EMSY: variants seen among roughly 807,000 people sequenced by gnomAD.
EMSY encodes the protein EMSY transcriptional repressor, BRCA2 interacting.
EMSY carries 26 observed loss-of-function variants against 134.6 expected under a neutral mutation model. That is an observed-to-expected ratio of 0.19 (90% confidence interval 0.14 to 0.27). The LOEUF is 0.27. Among genes scored for constraint, EMSY ranks in the 10% least tolerant of loss-of-function variants. The pLI is 1.00. For missense variants in EMSY, 1,305 were observed against 1,611.4 expected (o/e 0.81, Z 3.26); for synonymous variants, 579 against 577.8 (o/e 1.00, Z -0.03).
At chr11:76,459,690 T>G in intron 5 of EMSY, 1 of 439,466 alleles carries the variant, frequency 2.3e-6, no homozygotes, top group Non-Finnish European at 4.1e-6. Flanking sequence ...GTAACTGTGT[T>G]TTTCTCCGTC....
intron 8 of EMSY, among the ~76,000 whole-genome samples, chr11:76,488,541 T>TG (rs1949286908): frequency 6.6e-6 from 1 of 152,100 alleles, no homozygotes; most frequent in Non-Finnish European, 1.5e-5. Context: ...TTTTGTTTTT[T>TG]TTTTTATTTT....
intron 14 of EMSY, among the ~76,000 whole-genome samples, chr11:76,531,650 C>CT: frequency 6.6e-6 from 1 of 152,204 alleles, no homozygotes; most frequent in East Asian, 1.9e-4. Flanking sequence ...ACATGTTTCC[C>CT]TTTCAGATTA....
At chr11:76,470,538 A>G (rs1327424973) in intron 7 of EMSY, among the ~76,000 whole-genome samples, 1 of 152,088 alleles carries the variant, frequency 6.6e-6, no homozygotes, top group Non-Finnish European at 1.5e-5. Flanking sequence ...CTACTTTTCA[A>G]AATAATCTGA....
exon 6 of EMSY, chr11:76,459,944 T>C: frequency 6.2e-7 from 1 of 1,614,204 alleles, no homozygotes; most frequent in Non-Finnish European, 8.5e-7. Flanking sequence ...AGTGGTTTGC[T>C]ATTCCTACAC....
At chr11:76,454,895 T>G in intron 4 of EMSY, 105 bp downstream of exon 5, 1 of 858,066 alleles carries the variant, frequency 1.2e-6, no homozygotes, top group Non-Finnish European at 1.7e-6. Context: ...GAATTAACCA[T>G]GCCCCTTGCT....
chr11:76,510,652 T>C (rs906029393), intron 9 of EMSY, among the ~76,000 whole-genome samples: 13 of 152,190 alleles, frequency 8.5e-5, no homozygotes, highest in African/African-American at 2.7e-4. Flanking sequence ...GGTAGAGCTT[T>C]GTCCACAAAC....
At chr11:76,513,823 T>C (rs1590943497) in intron 10 of EMSY, among the ~76,000 whole-genome samples, 1 of 152,168 alleles carries the variant, frequency 6.6e-6, no homozygotes, top group East Asian at 1.9e-4. Flanking sequence ...GACCATAAGC[T>C]CTGTGAGCGT....
At position 76,459,875 on chromosome 11, in the gene EMSY, T is replaced by G. The variant is rs1409528724; in HGVS notation, c.422-61T>G. The G allele has an allele frequency of 3.2e-6, 5 of 1,579,810 alleles. No homozygotes were observed. The South Asian group carries it at 4.5e-5, about 14-fold the overall frequency. On this transcript the variant is annotated intron_variant, in intron 5 of 20. Transcript: ENST00000334736. ...TGGCCTGCAATAAAAATAATTTTTT[T>G]GTATGCCTGGACAGTTTTGGTGAAA... is the stretch of plus-strand genomic sequence containing the variant.
intron 15 of EMSY, among the ~76,000 whole-genome samples, chr11:76,536,985 T>C (rs1338190421): frequency 6.6e-6 from 1 of 152,222 alleles, no homozygotes; most frequent in Non-Finnish European, 1.5e-5. Flanking sequence ...TGGTTACCGT[T>C]TATTGTAACT....
At chr11:76,490,487 T>C (rs1490401242) in intron 8 of EMSY, among the ~76,000 whole-genome samples, 1 of 152,264 alleles carries the variant, frequency 6.6e-6, no homozygotes, top group Non-Finnish European at 1.5e-5. Flanking sequence ...GCTTACAGTA[T>C]GCATTTTCAA....
chr11:76,525,270 C>T (rs1470639760), intron 12 of EMSY, among the ~76,000 whole-genome samples: 2 of 152,210 alleles, frequency 1.3e-5, no homozygotes. Flanking sequence ...GAAGAGTATG[C>T]ATGTGTTGAA....
Position 76,528,255 on chromosome 11 carries a change from G to T in EMSY, c.1996-13G>T, listed in dbSNP as rs565137613. ...TAAAATTTTATCTCAGTATATTTCT[G>T]CTTTTCTCCTAGGTTCTTATTAAAC... On this transcript the variant is annotated splice_polypyrimidine_tract_variant and intron_variant, in intron 13 of 20. Transcript: ENST00000334736. 6.2e-7 allele frequency: 1 copy of T among 1,608,536 alleles called. No individual in the cohort carries two copies. The highest frequency in any genetic ancestry group is 1.3e-5 in the African/African-American group (1 of 74,702).
At chr11:76,496,732 G>A (rs1738235430) in intron 9 of EMSY, 3 of 475,454 alleles carry the variant, frequency 6.3e-6, no homozygotes, top group South Asian at 2.0e-5. Flanking sequence ...TATAAAAATA[G>A]TATTGATCTT....
chr11:76,485,217 A>C (rs1949132520), intron 8 of EMSY, among the ~76,000 whole-genome samples: 1 of 152,194 alleles, frequency 6.6e-6, no homozygotes, highest in Non-Finnish European at 1.5e-5. Context: ...CATCATTCTG[A>C]TACCAAAACC....
chr11:76,486,053 A>G (rs945449332), intron 8 of EMSY, among the ~76,000 whole-genome samples: 2 of 152,246 alleles, frequency 1.3e-5, no homozygotes, highest in African/African-American at 4.8e-5. Context: ...CGTATACACC[A>G]TGGAATACTA....
Position 76,498,209 on chromosome 11 carries a change from T to C in EMSY, c.1363+1740T>C, listed in dbSNP as rs1041373122. Among the ~76,000 whole-genome samples, 17 of 152,344 alleles carry C rather than the reference T, an allele frequency of 1.1e-4. 1 individual carries two copies. The highest frequency in any genetic ancestry group is 4.1e-4 in the South Asian group (2 of 4,828). Reference sequence around the variant, plus strand: ...ACACACTGTATCATTTCAATTCTTTTACGTTTATTGAGGTTTGTTTCTTCA... The same window carrying C: ...ACACACTGTATCATTTCAATTCTTTCACGTTTATTGAGGTTTGTTTCTTCA... On this transcript the variant is annotated intron_variant, in intron 9 of 20. Transcript: ENST00000334736.
chr11:76,550,343 TA>T (rs986876946), exon 21 of EMSY: 187 of 356,598 alleles, frequency 5.2e-4, no homozygotes, highest in Middle Eastern at 7.1e-4. Context: ...TGTACTTTTT[TA>T]AAAAAAAATG....
At chr11:76,518,703 A>ATATATATATATATTT (rs57143914) in intron 11 of EMSY, among the ~76,000 whole-genome samples, 2 of 130,202 alleles carry the variant, frequency 1.5e-5, no homozygotes, top group African/African-American at 2.9e-5. Flanking sequence ...ATATATATAT[A>ATATATATATATATTT]TTTTTTTTTT....
At chr11:76,537,834 T>C (rs1591008973) in exon 16 of EMSY, 1 of 1,613,206 alleles carries the variant, frequency 6.2e-7, no homozygotes, top group African/African-American at 1.3e-5. Flanking sequence ...CAACCCACTA[T>C]TGACCTGAGT....
Sources: allele counts gnomAD v4.1 joint callset (sites outside exome capture counted in the v4.1 genomes callset), GRCh38; gene constraint gnomAD v4.1.1; transcripts MANE v1.5; gene names NCBI Gene and HGNC (gene_info 2026-07-23, HGNC 2026-07-21).